Variants in KIAA1217 observed in about 807,000 individuals in gnomAD.
KIAA1217 encodes KIAA1217.
KIAA1217 carries 88 observed loss-of-function variants against 163.9 expected under a neutral mutation model. That is an observed-to-expected ratio of 0.54 (90% CI 0.45 to 0.64). The LOEUF (loss-of-function observed/expected upper bound fraction) is 0.64. Ranked by LOEUF, KIAA1217 falls within the 30% of genes least tolerant of loss-of-function variation. The pLI is 0.00. For synonymous variants in KIAA1217, 903 were observed against 923.1 expected (o/e 0.98, Z 0.39); for missense variants, 2,372 against 2,475.0 (o/e 0.96, Z 0.88).
intron 2 of KIAA1217, among the ~76,000 whole-genome samples, chr10:24,314,486 C>T (rs1452982830): frequency 1.3e-5 from 2 of 152,174 alleles, no homozygotes; most frequent in Admixed American, 6.5e-5. Flanking sequence ...TCTGTGTGTG[C>T]ACACGTGTAC....
chr10:24,006,145 TAAATTG>T (rs1846987133), intron 1 of KIAA1217, among the ~76,000 whole-genome samples: 1 of 152,222 alleles, frequency 6.6e-6, no homozygotes, highest in Admixed American at 6.5e-5. Flanking sequence ...AGAAATAATT[TAAATTG>T]TATGGTCATA....
intron 6 of KIAA1217, among the ~76,000 whole-genome samples, chr10:24,488,471 G>A (rs1290595877): frequency 1.3e-5 from 2 of 152,112 alleles, no homozygotes; most frequent in Non-Finnish European, 2.9e-5. Flanking sequence ...CACAGGGCCC[G>A]GGGAGAAGAA....
At chr10:24,074,065 C>A (rs2061283530) in intron 2 of KIAA1217, among the ~76,000 whole-genome samples, 1 of 152,024 alleles carries the variant, frequency 6.6e-6, no homozygotes. Context: ...AAAATTAGGC[C>A]AGGCATGGTG....
chr10:24,357,779 A>G (rs1047090394), intron 2 of KIAA1217, among the ~76,000 whole-genome samples: 1 of 152,172 alleles, frequency 6.6e-6, no homozygotes, highest in Non-Finnish European at 1.5e-5. Context: ...AAGGTGTGAG[A>G]GCGACCAAGA....
intron 2 of KIAA1217, among the ~76,000 whole-genome samples, chr10:24,202,909 G>T (rs200273121): frequency 6.6e-6 from 1 of 152,172 alleles, no homozygotes; most frequent in East Asian, 1.9e-4. Flanking sequence ...GGTATACCGG[G>T]CCAGGGGCAG....
chr10:24,538,562 G>A (rs144596095), intron 17 of KIAA1217, among the ~76,000 whole-genome samples: 3 of 83,834 alleles, frequency 3.6e-5, no homozygotes, highest in East Asian at 6.1e-4. Context: ...GGGAGGGAGG[G>A]AGGGAGGAAG....
chr10:23,700,151 T>C (rs1318140003), intron 1 of KIAA1217, among the ~76,000 whole-genome samples: 3 of 152,206 alleles, frequency 2.0e-5, no homozygotes, highest in Admixed American at 6.5e-5. Context: ...CTCTCACTTA[T>C]TCCTTCTCTC....
chr10:24,367,139 C>G, intron 2 of KIAA1217: 7 of 985,498 alleles, frequency 7.1e-6, no homozygotes, highest in Non-Finnish European at 8.4e-6. Flanking sequence ...GCATGCTGAT[C>G]TCTCTTCAGG....
chr10:24,345,038 C>G (rs1419112242), intron 2 of KIAA1217, among the ~76,000 whole-genome samples: 1 of 152,214 alleles, frequency 6.6e-6, no homozygotes. Flanking sequence ...TTCCACACCC[C>G]AGTCAGAGAA....
chr10:23,887,752 CTCTT>C (rs1841244573), intron 1 of KIAA1217, among the ~76,000 whole-genome samples: 1 of 151,896 alleles, frequency 6.6e-6, no homozygotes. Context: ...CAGGGTCTCA[CTCTT>C]TCCCCCAAGA....
At chr10:23,715,561 G>A (rs1426984713) in intron 1 of KIAA1217, among the ~76,000 whole-genome samples, 1 of 152,058 alleles carries the variant, frequency 6.6e-6, no homozygotes, top group Non-Finnish European at 1.5e-5. Context: ...CTTTGATGTA[G>A]CTATAAGATT....
chr10:24,026,741 G>GTT (rs1488986283), intron 2 of KIAA1217, among the ~76,000 whole-genome samples: 4 of 54,308 alleles, frequency 7.4e-5, no homozygotes, highest in African/African-American at 3.3e-4. Flanking sequence ...CTATTTCATT[G>GTT]ATTTTTTTTT....
At chr10:23,748,910 C>G (rs190251721) in intron 1 of KIAA1217, among the ~76,000 whole-genome samples, 1 of 152,268 alleles carries the variant, frequency 6.6e-6, no homozygotes, top group Admixed American at 6.5e-5. Flanking sequence ...AAATGATCCA[C>G]TCAACACTCC....
intron 1 of KIAA1217, among the ~76,000 whole-genome samples, chr10:23,920,703 A>T (rs1806740530): frequency 6.6e-6 from 1 of 152,166 alleles, no homozygotes; most frequent in East Asian, 1.9e-4. Context: ...AAGATGGCCC[A>T]GTCAGTCCAC....
Position 24,396,920 on chromosome 10 carries a change from A to G in KIAA1217, c.553+15853A>G, listed in dbSNP as rs116597744. On this transcript the variant is annotated intron_variant, in intron 3 of 20. Coordinates refer to ENST00000376454, the MANE Select transcript of KIAA1217 (RefSeq NM_019590.5). ...CTGGCTACTGGGTTTGGAACAGACT[A>G]AAGGCAGTGTGGACAGGAGCTGGGA... Among the ~76,000 whole-genome samples, 1,290 of 152,234 alleles carry G rather than the reference A, an allele frequency of 8.5e-3. 16 individuals carry two copies. The highest frequency in any genetic ancestry group is 0.03 in the African/African-American group (1,228 of 41,550).
chr10:23,728,652 C>A (rs142399006), intron 1 of KIAA1217, among the ~76,000 whole-genome samples: 2,051 of 152,230 alleles, frequency 0.013, 40 homozygotes, highest in African/African-American at 0.043. Context: ...TGTGCAGAAG[C>A]TTTTTAGTTT....
At chr10:24,305,835 C>T (rs577814588) in intron 2 of KIAA1217, among the ~76,000 whole-genome samples, 1 of 152,202 alleles carries the variant, frequency 6.6e-6, no homozygotes, top group East Asian at 1.9e-4. Flanking sequence ...GAATACAGTT[C>T]TGGGGCTCAG....
At chr10:24,085,914 G>A (rs60468378) in intron 2 of KIAA1217, among the ~76,000 whole-genome samples, 18,581 of 151,782 alleles carry the variant, frequency 0.12, 3,068 homozygotes, top group African/African-American at 0.38. Context: ...TTGAGGCTGC[G>A]GTGGGCCAAG....
At chr10:23,968,174 A>G (rs900417003) in intron 1 of KIAA1217, among the ~76,000 whole-genome samples, 1 of 152,284 alleles carries the variant, frequency 6.6e-6, no homozygotes, top group East Asian at 1.9e-4. Context: ...TTATAAATTC[A>G]TATGTATGTG....
Sources: allele counts gnomAD v4.1 joint callset (sites outside exome capture counted in the v4.1 genomes callset), GRCh38; gene constraint gnomAD v4.1.1; transcripts MANE v1.5; gene names NCBI Gene and HGNC (gene_info 2026-07-23, HGNC 2026-07-21).